Variants in MTHFD1 observed in about 807,000 individuals in gnomAD.
MTHFD1 encodes the protein C-1-tetrahydrofolate synthase, cytoplasmic.
Under a neutral mutation model 110.3 loss-of-function variants are expected in MTHFD1, and 44 were observed. That is an observed-to-expected ratio of 0.40 (90% confidence interval 0.31 to 0.51). The LOEUF (loss-of-function observed/expected upper bound fraction) is 0.51, where lower values mean the gene tolerates loss of function less well. Among genes scored for constraint, MTHFD1 ranks in the 20% least tolerant of loss-of-function variants. The pLI is 0.60. For missense variants in MTHFD1, 909 were observed against 1,173.1 expected, an observed-to-expected ratio of 0.77 and a Z score of 3.29; for synonymous variants, 402 against 428.8, an observed-to-expected ratio of 0.94 and a Z score of 0.77.
In MTHFD1 at chr14:64,449,627, G is replaced by A; in HGVS notation, c.2457+5G>A. 1 of 1,613,880 alleles carries A rather than the reference G, an allele frequency of 6.2e-7. No individual in the cohort carries two copies. The highest frequency in any genetic ancestry group is 8.5e-7 in the Non-Finnish European group (1 of 1,180,000). ...CAGCTCCTTTATGACCTCAAGGTGG[G>A]TGATTTGCTGTCTGCAAAAAAAGAA... On this transcript the variant is annotated splice_donor_5th_base_variant and intron_variant, in intron 24 of 27. Coordinates refer to ENST00000652337, the MANE Select transcript of MTHFD1 (RefSeq NM_005956.4).
chr14:64,428,842 G>A (rs113370384), intron 12 of MTHFD1, among the ~76,000 whole-genome samples: 7,791 of 152,008 alleles, frequency 0.051, 332 homozygotes, highest in African/African-American at 0.12. Context: ...ATGAGCCACC[G>A]TGCCCAGCCC....
Position 64,442,255 on chromosome 14 carries a change from C to G in MTHFD1, c.1997-8C>G. 3 of 1,614,238 alleles carry G rather than the reference C, an allele frequency of 1.9e-6. 1 individual carries two copies. Among genetic ancestry groups the G allele is most frequent in the South Asian group, 2.2e-5 (2 of 91,088 alleles). On this transcript the variant is annotated splice_region_variant and splice_polypyrimidine_tract_variant and intron_variant, in intron 20 of 27. Coordinates refer to ENST00000652337, the MANE Select transcript of MTHFD1 (RefSeq NM_005956.4). ...ATGGCATTTTTACTGTTGCTTTCCT[C>G]TTTACAGTGACGGAAGCAGGATTTG... is the stretch of plus-strand genomic sequence containing the variant.
rs2078053904 is a variant in MTHFD1 at position 64,419,671 on chromosome 14, G to A, written c.616-143G>A. ...GAAACAGTGTGTGGCTTACATTTGA[G>A]GCCTTAACCCAATATCTTATGAAAT... On this transcript the variant is annotated intron_variant, in intron 7 of 27. Coordinates refer to ENST00000652337, the MANE Select transcript of MTHFD1 (RefSeq NM_005956.4). The A allele has an allele frequency of 6.0e-5, 42 of 697,194 alleles. 1 individual carries two copies. In the South Asian group the frequency reaches 6.2e-4, roughly 10 times the overall value. 43.2% of individuals were successfully genotyped at this position (697,194 alleles called of 1,614,324 possible). A position where few individuals can be genotyped will look rare whatever the true frequency, so the allele number is the denominator to read the frequency against.
At chr14:64,448,469 T>A in intron 23 of MTHFD1, 152 bp downstream of exon 23, 1 of 697,884 alleles carries the variant, frequency 1.4e-6, no homozygotes, top group Middle Eastern at 2.4e-4. Flanking sequence ...ATTGCATACG[T>A]CACTGCGGGC....
chr14:64,433,224 C>G (rs1029005263), intron 15 of MTHFD1, among the ~76,000 whole-genome samples: 1 of 151,774 alleles, frequency 6.6e-6, no homozygotes, highest in Non-Finnish European at 1.5e-5. Flanking sequence ...CAGGTTCAAG[C>G]AGTTCTCCTG....
chr14:64,418,455 A>AAAG (rs2078042981), intron 7 of MTHFD1, among the ~76,000 whole-genome samples: 1 of 151,076 alleles, frequency 6.6e-6, no homozygotes, highest in African/African-American at 2.4e-5. Flanking sequence ...TGTCTCAAAA[A>AAAG]AAAAAAAAAA....
chr14:64,392,185 G>C (rs895232215), intron 1 of MTHFD1, among the ~76,000 whole-genome samples: 1 of 152,216 alleles, frequency 6.6e-6, no homozygotes, highest in Non-Finnish European at 1.5e-5. Flanking sequence ...GTCCTCACCA[G>C]TTACTAACTT....
chr14:64,422,375 A>T (rs1282124795), intron 8 of MTHFD1, among the ~76,000 whole-genome samples: 1 of 152,164 alleles, frequency 6.6e-6, no homozygotes, highest in Non-Finnish European at 1.5e-5. Context: ...AATAGTTTGC[A>T]TGGTCCACTC....
intron 2 of MTHFD1, among the ~76,000 whole-genome samples, chr14:64,408,667 T>C (rs8015897): frequency 6.6e-6 from 1 of 152,148 alleles, no homozygotes; most frequent in Non-Finnish European, 1.5e-5. Context: ...ATAAAATGCC[T>C]ATACTGGCCA....
At position 64,454,711 on chromosome 14, in the gene MTHFD1, T is replaced by C; in HGVS notation, c.2566-12T>C. ...TTTCATTTGTCCTCCCTCTCTTCCC[T>C]TCTTTCCCCAGGGCTTTGGGAATCT... On this transcript the variant is annotated splice_polypyrimidine_tract_variant and intron_variant, in intron 25 of 27. Transcript: ENST00000652337. 6.2e-7 allele frequency: 1 copy of C among 1,611,626 alleles called. No individual in the cohort carries two copies. Among genetic ancestry groups the C allele is most frequent in the Non-Finnish European group, 8.5e-7 (1 of 1,177,688 alleles).
intron 12 of MTHFD1, among the ~76,000 whole-genome samples, chr14:64,428,994 T>C (rs1430273892): frequency 2.6e-5 from 4 of 152,014 alleles, no homozygotes; most frequent in African/African-American, 4.8e-5. Flanking sequence ...GCAAATTGCC[T>C]CACTGCACGG....
intron 15 of MTHFD1, among the ~76,000 whole-genome samples, chr14:64,435,334 C>CCTCGT (rs1422968241): frequency 6.6e-6 from 1 of 152,096 alleles, no homozygotes; most frequent in East Asian, 1.9e-4. Context: ...AGGTTATAAT[C>CCTCGT]CTCGTTGCTC....
At chr14:64,428,616 C>T (rs1450533961) in intron 12 of MTHFD1, among the ~76,000 whole-genome samples, 5 of 148,570 alleles carry the variant, frequency 3.4e-5, no homozygotes, top group African/African-American at 1.0e-4. Context: ...TACAGTGGCA[C>T]GATCTTGGCT....
chr14:64,420,752 C>G (rs1220302463), intron 8 of MTHFD1, among the ~76,000 whole-genome samples: 4 of 152,174 alleles, frequency 2.6e-5, no homozygotes, highest in African/African-American at 9.7e-5. Context: ...GACTCCTTAG[C>G]CTCACACTAA....
At chr14:64,419,494 G>C (rs2078052824) in intron 7 of MTHFD1, among the ~76,000 whole-genome samples, 1 of 152,226 alleles carries the variant, frequency 6.6e-6, no homozygotes. Context: ...TGTAGGAGAA[G>C]GAGCAGTGTC....
chr14:64,442,303 G>A lies in MTHFD1; in HGVS notation c.2037G>A (p.Lys679=). ...AGFGADIGME[K]FFNIKCRYSG... The stretch of plus-strand genomic sequence containing the variant: ...TTGGAGCAGACATTGGAATGGAAAA[G>A]TTTTTTAACATCAAATGCCGGTATT... Residue 679 remains lysine (K), a synonymous_variant, in exon 21 of 28, where the codon AAG becomes AAA. Transcript: ENST00000652337. 2 of 1,614,260 alleles carry A rather than the reference G, an allele frequency of 1.2e-6. No homozygotes were observed. Among genetic ancestry groups the A allele is most frequent in the Non-Finnish European group, 1.7e-6 (2 of 1,180,052 alleles).
At chr14:64,449,781 C>A in intron 24 of MTHFD1, 159 bp downstream of exon 24, 1 of 820,778 alleles carries the variant, frequency 1.2e-6, no homozygotes, top group Non-Finnish European at 2.0e-6. Flanking sequence ...GGACTCCCAG[C>A]TGTAGACAGC....
intron 22 of MTHFD1, among the ~76,000 whole-genome samples, chr14:64,446,822 A>G (rs1199178732): frequency 2.0e-5 from 3 of 152,028 alleles, no homozygotes; most frequent in Admixed American, 1.3e-4. Context: ...GATTACAGGC[A>G]TGAGCCACCA....
At chr14:64,439,347 A>G in intron 17 of MTHFD1, 175 bp downstream of exon 17, 1 of 644,730 alleles carries the variant, frequency 1.6e-6, no homozygotes, top group Non-Finnish European at 2.8e-6. Flanking sequence ...AGCTTTTGCA[A>G]TAAATCCCAT....
Sources: allele counts gnomAD v4.1 joint callset (sites outside exome capture counted in the v4.1 genomes callset), GRCh38; gene constraint gnomAD v4.1.1; transcripts MANE v1.5; gene names NCBI Gene and HGNC (gene_info 2026-07-23, HGNC 2026-07-21).